Variants in ADGRF5 observed in about 807,000 individuals in gnomAD.
ADGRF5 encodes adhesion G protein-coupled receptor F5, also known as G-protein coupled receptor 116.
A neutral mutation model predicts 132.3 loss-of-function variants in ADGRF5; 75 were observed. That is an observed-to-expected ratio of 0.57 (90% CI 0.47 to 0.69). The LOEUF (loss-of-function observed/expected upper bound fraction) is 0.69. Among genes scored for constraint, ADGRF5 ranks in the 30% least tolerant of loss-of-function variants. ADGRF5 has a pLI of 0.00. For missense variants in ADGRF5, 1,516 were observed against 1,630.6 expected (o/e 0.93, Z 1.21); for synonymous variants, 629 against 597.6 (o/e 1.05, Z -0.77).
At position 46,858,668 on chromosome 6, in the gene ADGRF5, A is replaced by T. The variant is rs1250169966; in HGVS notation, c.3235T>A (p.Tyr1079Asn). 2 of 1,614,052 alleles carry T rather than the reference A, an allele frequency of 1.2e-6. No homozygotes were observed. The highest frequency in any genetic ancestry group is 2.7e-5 in the African/African-American group (2 of 74,928). ...ACACAGGCTGTCTTGCAGAGTATGTAGCGATTGTCCTGGATGGCAGCGACC... is the reference window on the plus strand; with the variant it reads ...ACACAGGCTGTCTTGCAGAGTATGTTGCGATTGTCCTGGATGGCAGCGACC... ...IVVAAIQDNRYILCKTACVAA... is the reference protein window; with the variant it reads ...IVVAAIQDNRNILCKTACVAA... The change falls in exon 17 of 21, where the codon TAC (tyrosine) becomes AAC (asparagine). Residue 1079 changes from tyrosine to asparagine, a missense_variant. Around this residue, in one of 2 missense-constraint regions of ADGRF5, gnomAD observed 571 missense variants for 701.2 expected, o/e 0.81. Coordinates refer to ENST00000283296, the MANE Select transcript of ADGRF5 (RefSeq NM_001098518.2).
In ADGRF5 at chr6:46,893,615, C is replaced by G. The variant is rs114858464; in HGVS notation, c.158-5110G>C. Among the ~76,000 whole-genome samples the G allele has an allele frequency of 4.7e-3, 719 of 152,294 alleles. 10 individuals carry two copies. The highest frequency in any genetic ancestry group is 0.017 in the African/African-American group (688 of 41,574). On this transcript the variant is annotated intron_variant, in intron 3 of 20. Transcript: ENST00000283296. ...TACCAGGGACCAGGAGGCATGAGGA[C>G]AGTTCCTCAACTTCTGTGTGTGTGT...
At chr6:46,934,393 T>C (rs966785519) in intron 1 of ADGRF5, among the ~76,000 whole-genome samples, 5 of 152,232 alleles carry the variant, frequency 3.3e-5, no homozygotes, top group East Asian at 1.9e-4. Flanking sequence ...TTTGCTTGAC[T>C]AATTCTTTTG....
chr6:46,917,146 G>A (rs1366118609), intron 1 of ADGRF5, among the ~76,000 whole-genome samples: 4 of 152,224 alleles, frequency 2.6e-5, no homozygotes, highest in East Asian at 3.8e-4. Flanking sequence ...TCCTGTTTAT[G>A]AGAAGTATCA....
At chr6:46,924,281 C>A (rs185674906), upstream of ADGRF5, among the ~76,000 whole-genome samples, 91 of 152,324 alleles carry the variant, frequency 6.0e-4, no homozygotes, top group African/African-American at 2.1e-3. Context: ...AGATGCATGT[C>A]TTTTTGAAGT....
intron 4 of ADGRF5, among the ~76,000 whole-genome samples, chr6:46,885,459 C>A (rs907170243): frequency 3.3e-5 from 5 of 151,998 alleles, no homozygotes; most frequent in Non-Finnish European, 7.4e-5. Context: ...GACACAAAGA[C>A]AAAAAGAAAA....
intron 19 of ADGRF5, 39 bp from the exon 20 acceptor site, chr6:46,856,097 T>A (rs758335123): frequency 7.7e-6 from 9 of 1,171,170 alleles, no homozygotes; most frequent in Admixed American, 1.7e-5. Context: ...CAAAGCAAAT[T>A]TGTGGGACCA....
In ADGRF5 at chr6:46,867,565, C is replaced by G. The variant is rs80247523; in HGVS notation, c.1622-428G>C. On this transcript the variant is annotated intron_variant, in intron 12 of 20. Coordinates refer to ENST00000283296, the MANE Select transcript of ADGRF5 (RefSeq NM_001098518.2). ...CTGTGGTGTTATGACACCCCTATCT[C>G]CCATCTCTAAGTGAGCAGGCCCTTG... 2.4e-3 allele frequency among the ~76,000 whole-genome samples: 361 copies of G among 152,266 alleles called. 10 individuals are homozygous for G. In the East Asian group the frequency reaches 0.064, roughly 27 times the overall value.
At chr6:46,895,223 G>T (rs115948122) in intron 3 of ADGRF5, among the ~76,000 whole-genome samples, 10,784 of 151,912 alleles carry the variant, frequency 0.071, 709 homozygotes, top group African/African-American at 0.17. Flanking sequence ...TTCACCTTTG[G>T]TATAGTTAAA....
chr6:46,929,687 T>C (rs1777459227), intron 1 of ADGRF5, among the ~76,000 whole-genome samples: 1 of 152,032 alleles, frequency 6.6e-6, no homozygotes, highest in Non-Finnish European at 1.5e-5. Flanking sequence ...TGTGTTAAAC[T>C]TGTTTAACGA....
At position 46,953,687 on chromosome 6, in the gene ADGRF5, A is replaced by ATATATATC. The variant is rs1184260500; in HGVS notation, c.-25+1046_-25+1047insGATATATA. 6.3e-4 allele frequency among the ~76,000 whole-genome samples: 82 copies of ATATATATC among 130,240 alleles called. 1 individual carries two copies. Among genetic ancestry groups the ATATATATC allele is most frequent in the Non-Finnish European group, 9.1e-4 (56 of 61,380 alleles). 85.4% of individuals were successfully genotyped at this position (130,240 alleles called of 152,430 possible). A position where few individuals can be genotyped will look rare whatever the true frequency, so the allele number is the denominator to read the frequency against. Reference sequence around the variant, plus strand: ...TATATATATATATATATATATATATATATCTCACTGACAGTGGCATTATTA... The same window carrying ATATATATC: ...TATATATATATATATATATATATATATATATATCTATCTCACTGACAGTGGCATTATTA... On this transcript the variant is annotated intron_variant, in intron 1 of 20. Coordinates refer to the ADGRF5 transcript ENST00000265417.
At chr6:46,856,651 T>C (rs1170113730) in intron 19 of ADGRF5, 67 bp downstream of exon 19, 2 of 991,788 alleles carry the variant, frequency 2.0e-6, no homozygotes, top group Non-Finnish European at 3.1e-6. Context: ...TAGTACTCTG[T>C]ACTTCAGAAT....
intron 1 of ADGRF5, among the ~76,000 whole-genome samples, chr6:46,921,226 T>C (rs1325447412): frequency 1.3e-5 from 2 of 152,172 alleles, no homozygotes; most frequent in Non-Finnish European, 2.9e-5. Context: ...CCTTGTCCTT[T>C]GGAAGGACTC....
In ADGRF5 at chr6:46,852,621, T is replaced by A. The variant is rs1045345387; in HGVS notation, c.*1371A>T. ...AATTTTCATAAATATTTATATTTTT[T>A]AATGAAATACACACCAAAAAAAAGC... On this transcript the variant is annotated 3_prime_UTR_variant, in exon 21 of 21. Transcript: ENST00000283296. 6.8e-6 allele frequency: 1 copy of A among 146,552 alleles called. No individual in the cohort carries two copies. The highest frequency in any genetic ancestry group is 1.5e-5 in the Non-Finnish European group (1 of 67,972). 9.1% of individuals were successfully genotyped at this position (146,552 alleles called of 1,614,324 possible). A position where few individuals can be genotyped will look rare whatever the true frequency, so the allele number is the denominator to read the frequency against.
chr6:46,926,823 T>A (rs560332352), upstream of ADGRF5, among the ~76,000 whole-genome samples: 18 of 152,294 alleles, frequency 1.2e-4, no homozygotes, highest in Admixed American at 9.8e-4. Flanking sequence ...CATTCCTTCT[T>A]GTCTTGGCCT....
Position 46,902,864 on chromosome 6 carries a change from C to G in ADGRF5, c.103-2781G>C, listed in dbSNP as rs142977096. Among the ~76,000 whole-genome samples the G allele has an allele frequency of 6.3e-3, 966 of 152,258 alleles. 7 individuals carry two copies. Among genetic ancestry groups the G allele is most frequent in the African/African-American group, 0.02 (848 of 41,540 alleles). On this transcript the variant is annotated intron_variant, in intron 2 of 20. Transcript: ENST00000283296. ...GATGGGTAAATGCTCTTGGCCATCCCCAGATTCAAGGAGTTACAAAGATCT... is the reference window on the plus strand; with the variant it reads ...GATGGGTAAATGCTCTTGGCCATCCGCAGATTCAAGGAGTTACAAAGATCT...
rs114544280 is a variant in ADGRF5 at position 46,935,158 on chromosome 6, A to G, written c.-25+19576T>C. On this transcript the variant is annotated intron_variant, in intron 1 of 20. Transcript: ENST00000265417. Reference sequence around the variant, plus strand: ...AGCTGGGACTACAGGCGTGTGCCACAAGGCCCGGCTAATTTTTTGTATCTT... The same window carrying G: ...AGCTGGGACTACAGGCGTGTGCCACGAGGCCCGGCTAATTTTTTGTATCTT... 4.5e-3 allele frequency among the ~76,000 whole-genome samples: 689 copies of G among 151,732 alleles called. 2 individuals carry two copies. Among genetic ancestry groups the G allele is most frequent in the African/African-American group, 0.016 (653 of 41,376 alleles).
intron 3 of ADGRF5, among the ~76,000 whole-genome samples, chr6:46,890,504 G>A (rs1243372768): frequency 1.3e-5 from 2 of 148,840 alleles, no homozygotes; most frequent in Non-Finnish European, 3.0e-5. Flanking sequence ...GATCACTTGA[G>A]GTCAGGAGTT....
In ADGRF5 at chr6:46,852,567, T is replaced by C. The variant is rs1419346291; in HGVS notation, c.*1425A>G. 1 of 152,172 alleles carries C rather than the reference T, an allele frequency of 6.6e-6. No individual in the cohort carries two copies. Among genetic ancestry groups the C allele is most frequent in the Non-Finnish European group, 1.5e-5 (1 of 68,036 alleles). 9.4% of individuals were successfully genotyped at this position (152,172 alleles called of 1,614,324 possible). On this transcript the variant is annotated 3_prime_UTR_variant, in exon 21 of 21. Coordinates refer to ENST00000283296, the MANE Select transcript of ADGRF5 (RefSeq NM_001098518.2). ...TTGCAATGTAGCGTTGCTGTATCAATAGTACATGGTTAACTCTAATATGCG... is the reference window on the plus strand; with the variant it reads ...TTGCAATGTAGCGTTGCTGTATCAACAGTACATGGTTAACTCTAATATGCG...
At position 46,852,932 on chromosome 6, in the gene ADGRF5, A is replaced by G. The variant is rs565130218; in HGVS notation, c.*1060T>C. The G allele has an allele frequency of 9.2e-5, 14 of 152,728 alleles. No homozygotes were observed. Among genetic ancestry groups the G allele is most frequent in the African/African-American group, 3.4e-4 (14 of 41,566 alleles). The allele number at this position is 152,728 out of a possible 1,614,324, so 9.5% of individuals were successfully genotyped here. On this transcript the variant is annotated 3_prime_UTR_variant, in exon 21 of 21. Coordinates refer to ENST00000283296, the MANE Select transcript of ADGRF5 (RefSeq NM_001098518.2). ...AGTGACAACAGCAATAATAATATAC[A>G]ATGCTATAAGATTATTAAAATCTAT...
Sources: gnomAD v4.1 joint callset for allele counts (sites outside exome capture counted in the v4.1 genomes callset) on GRCh38, gnomAD v4.1.1 for gene constraint, gnomAD v4.1.1 regional missense constraint, MANE v1.5 for transcripts, NCBI Gene and HGNC (gene_info 2026-07-23, HGNC 2026-07-21) for gene names.